Variants in DPYSL3 observed in about 807,000 individuals in gnomAD.
DPYSL3 encodes the protein dihydropyrimidinase-related protein 3.
A neutral mutation model predicts 66.1 loss-of-function variants in DPYSL3; 16 were observed. The observed-to-expected ratio is 0.24, with a 90% CI of 0.16 to 0.37. The LOEUF (loss-of-function observed/expected upper bound fraction) is 0.37. Ranked by LOEUF, DPYSL3 falls within the 10% of genes least tolerant of loss-of-function variation. The pLI is 1.00. For missense variants in DPYSL3, 738 were observed against 916.2 expected (o/e 0.81, Z 2.51); for synonymous variants, 338 against 345.1 (o/e 0.98, Z 0.23).
At chr5:147,472,027 T>C (rs1163634181) in intron 1 of DPYSL3, among the ~76,000 whole-genome samples, 1 of 152,196 alleles carries the variant, frequency 6.6e-6, no homozygotes, top group Non-Finnish European at 1.5e-5. Flanking sequence ...AGCAATTCTG[T>C]GAGACCATAG....
chr5:147,404,880 C>T (rs1758289701), intron 8 of DPYSL3, among the ~76,000 whole-genome samples: 1 of 152,134 alleles, frequency 6.6e-6, no homozygotes, highest in Admixed American at 6.5e-5. Flanking sequence ...GAGGTGTGAC[C>T]TGCATCTGCA....
intron 1 of DPYSL3, among the ~76,000 whole-genome samples, chr5:147,445,252 T>G (rs1311441554): frequency 6.6e-6 from 1 of 152,224 alleles, no homozygotes; most frequent in East Asian, 1.9e-4. Flanking sequence ...GTCCAAGTGA[T>G]GGATGGACTT....
intron 1 of DPYSL3, among the ~76,000 whole-genome samples, chr5:147,502,733 T>C (rs572191762): frequency 1.3e-5 from 2 of 152,116 alleles, no homozygotes; most frequent in East Asian, 1.9e-4. Flanking sequence ...CCTGCCACCA[T>C]GCCCAGCTAA....
chr5:147,426,397 A>G (rs1752198925), intron 1 of DPYSL3, among the ~76,000 whole-genome samples: 1 of 152,072 alleles, frequency 6.6e-6, no homozygotes, highest in Admixed American at 6.6e-5. Flanking sequence ...TAGGCAGGCT[A>G]CTCATGCTGG....
chr5:147,489,913 C>T (rs1000715409), intron 1 of DPYSL3, among the ~76,000 whole-genome samples: 3 of 151,124 alleles, frequency 2.0e-5, no homozygotes, highest in Admixed American at 6.6e-5. Context: ...TAGTGCACAA[C>T]GTAGTAGGAC....
intron 1 of DPYSL3, among the ~76,000 whole-genome samples, chr5:147,449,556 C>T (rs913416296): frequency 1.3e-5 from 2 of 152,216 alleles, no homozygotes; most frequent in African/African-American, 4.8e-5. Flanking sequence ...CTCAGCTGCA[C>T]GTGCCTCCAA....
intron 1 of DPYSL3, chr5:147,453,846 TG>T (rs1752795110): frequency 1.1e-5 from 11 of 967,048 alleles, no homozygotes; most frequent in Admixed American, 4.5e-5. Flanking sequence ...GCCCGGGTTT[TG>T]TTTTTTTTTT....
Position 147,395,676 on chromosome 5 carries a change from C to T in DPYSL3, c.1849G>A (p.Val617Met). The change falls in exon 13 of 14, where the codon GTG (valine) becomes ATG (methionine). Residue 617 changes from valine (V) to methionine (M), a missense_variant. Transcript: ENST00000343218. Reference protein sequence around the residue: ...AVPRGMYDGPVFDLTTTPKGG... With the variant: ...AVPRGMYDGPMFDLTTTPKGG... ...TTGGGGGTGGTGGTCAGGTCAAACA[C>T]AGGCCCATCGTACATGCCCCTTGGG... 1 of 1,614,178 alleles carries T rather than the reference C, an allele frequency of 6.2e-7. No individual in the cohort carries two copies. The highest frequency in any genetic ancestry group is 8.5e-7 in the Non-Finnish European group (1 of 1,180,052).
Position 147,457,289 on chromosome 5 carries a change from A to G in DPYSL3, c.382-32326T>C, listed in dbSNP as rs114079662. 3.4e-3 allele frequency among the ~76,000 whole-genome samples: 520 copies of G among 152,250 alleles called. 2 individuals carry two copies. Among genetic ancestry groups the G allele is most frequent in the African/African-American group, 0.011 (467 of 41,532 alleles). On this transcript the variant is annotated intron_variant, in intron 1 of 13. Coordinates refer to ENST00000343218, the MANE Select transcript of DPYSL3 (RefSeq NM_001197294.2). ...ACATGACATATTAATTTATTATTGA[A>G]TATTCTCCCCATCACCAGAATATAA...
intron 3 of DPYSL3, 90 bp from the exon 4 acceptor site, chr5:147,415,963 T>G: frequency 2.9e-6 from 4 of 1,396,672 alleles, no homozygotes; most frequent in Non-Finnish European, 3.9e-6. Flanking sequence ...TAGCTGTGAC[T>G]GCAGAATCTC....
At chr5:147,421,027 A>G (rs1390118340) in intron 2 of DPYSL3, among the ~76,000 whole-genome samples, 2 of 152,222 alleles carry the variant, frequency 1.3e-5, no homozygotes, top group African/African-American at 2.4e-5. Context: ...AAATCAGACA[A>G]GAGAAAGAAA....
chr5:147,466,966 G>A (rs1341956348), intron 1 of DPYSL3, among the ~76,000 whole-genome samples: 1 of 152,082 alleles, frequency 6.6e-6, no homozygotes, highest in Non-Finnish European at 1.5e-5. Flanking sequence ...CTAGCAAATG[G>A]AGTGTCAACA....
At chr5:147,438,811 T>G (rs373762166) in intron 1 of DPYSL3, among the ~76,000 whole-genome samples, 37 of 152,366 alleles carry the variant, frequency 2.4e-4, no homozygotes, top group African/African-American at 8.4e-4. Flanking sequence ...GTCCAAAAAA[T>G]AGCAAACAAG....
intron 1 of DPYSL3, among the ~76,000 whole-genome samples, chr5:147,455,906 T>C (rs189112223): frequency 1.8e-4 from 27 of 148,850 alleles, no homozygotes; most frequent in Non-Finnish European, 3.2e-4. Context: ...TTTTGATCAC[T>C]TGATTGTGTG....
In DPYSL3 at chr5:147,408,670, G is replaced by T. The variant is rs368390957; in HGVS notation, c.1032+58C>A. The T allele has an allele frequency of 2.6e-5, 40 of 1,566,836 alleles. No individual in the cohort carries two copies. In the African/African-American group the frequency reaches 5.1e-4, roughly 20 times the overall value. ...GCAACCTGGTACTCACATTCTCGTC[G>T]CCTTTTAACAATGTTTATTCATGCG... On this transcript the variant is annotated intron_variant, in intron 7 of 13. Coordinates refer to ENST00000343218, the MANE Select transcript of DPYSL3 (RefSeq NM_001197294.2).
At chr5:147,477,601 A>G (rs1340197170) in intron 1 of DPYSL3, among the ~76,000 whole-genome samples, 2 of 100,634 alleles carry the variant, frequency 2.0e-5, no homozygotes, top group East Asian at 7.5e-4. Flanking sequence ...TTTGAGACGG[A>G]GTCTCGCTCT....
At chr5:147,490,452 C>G (rs1015807235) in intron 1 of DPYSL3, among the ~76,000 whole-genome samples, 5 of 152,054 alleles carry the variant, frequency 3.3e-5, no homozygotes, top group Admixed American at 2.0e-4. Context: ...TGTGACATAT[C>G]AAAATAGAGT....
Position 147,480,703 on chromosome 5 carries a change from A to ATATTATTATTAT in DPYSL3, c.381+28763_381+28774dup, listed in dbSNP as rs10665228. On this transcript the variant is annotated intron_variant, in intron 1 of 13. Transcript: ENST00000343218. ...TAGTGCACACATCATGAATATATAT[A>ATATTATTATTAT]TATTATTATTATTATTATTATTATT... Among the ~76,000 whole-genome samples the ATATTATTATTAT allele has an allele frequency of 1.3e-4, 19 of 142,464 alleles. No homozygotes were observed. In the South Asian group the frequency reaches 1.4e-3, roughly 10 times the overall value. 93.5% of individuals were successfully genotyped at this position (142,464 alleles called of 152,430 possible).
At chr5:147,501,478 ATTTTTTTTTTTTTT>A (rs749216433) in intron 1 of DPYSL3, among the ~76,000 whole-genome samples, 1 of 91,082 alleles carries the variant, frequency 1.1e-5, no homozygotes, top group Non-Finnish European at 2.0e-5. Flanking sequence ...GGTGATAATG[ATTTTTTTTTTTTTT>A]TTTTTTTTTT....
Sources: gnomAD v4.1 joint callset for allele counts (sites outside exome capture counted in the v4.1 genomes callset) on GRCh38, gnomAD v4.1.1 for gene constraint, MANE v1.5 for transcripts, NCBI Gene and HGNC (gene_info 2026-07-23, HGNC 2026-07-21) for gene names.